Variants in DPYD observed in about 807,000 individuals in gnomAD.
The protein encoded by DPYD is dihydropyrimidine dehydrogenase [NADP(+)].
Under a neutral mutation model 116.2 loss-of-function variants are expected in DPYD, and 109 were observed. The observed-to-expected ratio is 0.94, with a 90% CI of 0.80 to 1.10. DPYD has a LOEUF of 1.10. Ranked by LOEUF, DPYD falls within the 50% of genes least tolerant of loss-of-function variation. DPYD has a pLI of 0.00. For missense variants in DPYD, 1,302 were observed against 1,254.5 expected (o/e 1.04, Z -0.57); for synonymous variants, 440 against 432.0 (o/e 1.02, Z -0.23).
chr1:97,259,471 C>T (rs1663729051), intron 18 of DPYD, among the ~76,000 whole-genome samples: 1 of 152,020 alleles, frequency 6.6e-6, no homozygotes, highest in South Asian at 2.1e-4. Context: ...AACCCCTCCT[C>T]AAGTGCCCCT....
intron 13 of DPYD, among the ~76,000 whole-genome samples, chr1:97,496,622 C>T (rs1412174934): frequency 6.6e-6 from 1 of 151,980 alleles, no homozygotes; most frequent in Admixed American, 6.6e-5. Flanking sequence ...TCTGACTTTG[C>T]TCATGATATT....
At chr1:97,429,734 C>T (rs183160990) in intron 14 of DPYD, among the ~76,000 whole-genome samples, 17 of 152,148 alleles carry the variant, frequency 1.1e-4, no homozygotes, top group East Asian at 7.7e-4. Context: ...CTTCTACTAA[C>T]GAATTTAGTC....
At chr1:97,388,494 G>A (rs540377231) in intron 14 of DPYD, among the ~76,000 whole-genome samples, 3 of 152,164 alleles carry the variant, frequency 2.0e-5, no homozygotes, top group African/African-American at 7.2e-5. Context: ...GTGTGATGTC[G>A]TGCCAAGAGA....
chr1:97,294,018 G>T, intron 18 of DPYD, among the ~76,000 whole-genome samples: 1 of 151,874 alleles, frequency 6.6e-6, no homozygotes, highest in Admixed American at 6.6e-5. Context: ...AATAAAATGG[G>T]GTTTCTTACA....
chr1:97,806,921 C>A (rs1668103396), intron 3 of DPYD, among the ~76,000 whole-genome samples: 1 of 151,936 alleles, frequency 6.6e-6, no homozygotes. Flanking sequence ...AGTGTGTAAT[C>A]ATTTCAGATT....
intron 3 of DPYD, among the ~76,000 whole-genome samples, chr1:97,796,115 C>T (rs1571371514): frequency 2.0e-5 from 3 of 151,962 alleles, no homozygotes; most frequent in Admixed American, 1.3e-4. Flanking sequence ...ACAGATGTAT[C>T]CCCATTTATA....
chr1:97,258,720 C>T (rs1015518214), intron 18 of DPYD, among the ~76,000 whole-genome samples: 78 of 152,062 alleles, frequency 5.1e-4, no homozygotes, highest in Non-Finnish European at 6.8e-4. Context: ...AGTGAGAGGG[C>T]CTCTGAGAAT....
At chr1:97,460,527 T>C (rs926851499) in intron 13 of DPYD, among the ~76,000 whole-genome samples, 1 of 152,180 alleles carries the variant, frequency 6.6e-6, no homozygotes, top group African/African-American at 2.4e-5. Flanking sequence ...TGCGTTGATA[T>C]GCTGAGTACT....
chr1:97,286,992 C>A (rs1297686437), intron 18 of DPYD, among the ~76,000 whole-genome samples: 1 of 152,210 alleles, frequency 6.6e-6, no homozygotes, highest in Non-Finnish European at 1.5e-5. Flanking sequence ...GGAGGAGAGG[C>A]ACTCTGCTTT....
intron 15 of DPYD, among the ~76,000 whole-genome samples, chr1:97,381,160 T>C (rs78081550): frequency 6.6e-6 from 1 of 152,146 alleles, no homozygotes; most frequent in African/African-American, 2.4e-5. Context: ...CCTTTCTTTT[T>C]ATTTATGTTT....
At chr1:97,381,777 T>C (rs1204243534) in intron 15 of DPYD, among the ~76,000 whole-genome samples, 3 of 152,166 alleles carry the variant, frequency 2.0e-5, no homozygotes, top group East Asian at 3.9e-4. Flanking sequence ...GACATAAGTG[T>C]ATAATTTTAA....
At chr1:97,630,735 T>C (rs1187223402) in intron 8 of DPYD, among the ~76,000 whole-genome samples, 1 of 152,158 alleles carries the variant, frequency 6.6e-6, no homozygotes, top group Non-Finnish European at 1.5e-5. Context: ...AGTATGGTTT[T>C]GTGGTAATAG....
intron 9 of DPYD, 58 bp downstream of exon 9, chr1:97,595,001 A>C (rs1654778315): frequency 9.5e-6 from 13 of 1,368,608 alleles, no homozygotes; most frequent in Non-Finnish European, 1.2e-5. Flanking sequence ...TTTGATATTA[A>C]TTTATCATAA....
At chr1:97,727,951 T>G (rs1663363999) in intron 4 of DPYD, among the ~76,000 whole-genome samples, 1 of 151,834 alleles carries the variant, frequency 6.6e-6, no homozygotes, top group Non-Finnish European at 1.5e-5. Flanking sequence ...GAAGGGTACT[T>G]TATAGACACC....
chr1:97,209,691 G>A (rs893432764), intron 19 of DPYD, among the ~76,000 whole-genome samples: 9 of 152,200 alleles, frequency 5.9e-5, no homozygotes, highest in African/African-American at 2.2e-4. Flanking sequence ...AGATGATAAT[G>A]AGATTATTGC....
At chr1:97,609,821 A>G (rs967589883) in intron 8 of DPYD, among the ~76,000 whole-genome samples, 1 of 152,010 alleles carries the variant, frequency 6.6e-6, no homozygotes, top group Non-Finnish European at 1.5e-5. Flanking sequence ...TATTCATAAG[A>G]AAGAAAAAAA....
chr1:97,792,307 T>C (rs982441833), intron 3 of DPYD, among the ~76,000 whole-genome samples: 3 of 151,960 alleles, frequency 2.0e-5, no homozygotes, highest in Non-Finnish European at 4.4e-5. Flanking sequence ...AGAGTCTTGC[T>C]CTGCTGCCCA....
intron 16 of DPYD, among the ~76,000 whole-genome samples, chr1:97,331,178 A>G (rs1668975335): frequency 6.6e-6 from 1 of 152,160 alleles, no homozygotes; most frequent in East Asian, 1.9e-4. Flanking sequence ...ATTTTTTGCA[A>G]ACCTATATAT....
intron 3 of DPYD, among the ~76,000 whole-genome samples, chr1:97,810,963 G>A (rs570510233): frequency 7.9e-5 from 12 of 151,966 alleles, no homozygotes; most frequent in African/African-American, 2.7e-4. Flanking sequence ...TACCCTCTGC[G>A]TTTTTCATAT....
Sources: gnomAD v4.1 joint callset for allele counts (sites outside exome capture counted in the v4.1 genomes callset) on GRCh38, gnomAD v4.1.1 for gene constraint, MANE v1.5 for transcripts, NCBI Gene and HGNC (gene_info 2026-07-23, HGNC 2026-07-21) for gene names.